The following LRP1B variants were observed in gnomAD, a reference collection of about 807,000 sequenced individuals.
LRP1B encodes the protein low-density lipoprotein receptor-related protein 1B.
In LRP1B, 217 loss-of-function variants were observed where a neutral mutation model predicts 556.6. The ratio of observed to expected loss-of-function variants is 0.39; its 90% CI spans 0.35 to 0.44. LRP1B has a LOEUF of 0.44. Among genes scored for constraint, LRP1B ranks in the 20% least tolerant of loss-of-function variants. LRP1B has a pLI of 1.00. For synonymous variants in LRP1B, 2,047 were observed against 1,865.8 expected, an observed-to-expected ratio of 1.10 and a Z score of -2.50; for missense variants, 5,053 against 5,620.8, an observed-to-expected ratio of 0.90 and a Z score of 3.23.
Position 140,335,663 on chromosome 2 carries a change from G to T in LRP1B, c.12068C>A (p.Thr4023Lys), listed in dbSNP as rs1412359441. Reference protein sequence around the residue: ...LNGPNCTRLLTNMAGEPYAIA... With the variant: ...LNGPNCTRLLKNMAGEPYAIA... ...AGCATAGGGTTCTCCAGCCATATTTGTTAAGAGTCTGGTGCAGTTGGGGCC... is the reference window on the plus strand; with the variant it reads ...AGCATAGGGTTCTCCAGCCATATTTTTTAAGAGTCTGGTGCAGTTGGGGCC... Residue 4023 changes from threonine (T) to lysine (K), a missense_variant, in exon 78 of 91, where the codon ACA becomes AAA. This residue lies in a region of LRP1B where 599 missense variants were observed against 648.4 expected (regional missense o/e 0.92). Transcript: ENST00000389484. 6.2e-7 allele frequency: 1 copy of T among 1,612,612 alleles called. No individual in the cohort carries two copies. The highest frequency in any genetic ancestry group is 1.1e-5 in the South Asian group (1 of 91,058).
chr2:140,514,052 A>G (rs1689777000), intron 51 of LRP1B, among the ~76,000 whole-genome samples: 1 of 152,014 alleles, frequency 6.6e-6, no homozygotes, highest in East Asian at 1.9e-4. Context: ...AATATTTGTG[A>G]ATATTACAAA....
At chr2:141,444,893 T>C (rs915378464) in intron 3 of LRP1B, among the ~76,000 whole-genome samples, 1 of 152,170 alleles carries the variant, frequency 6.6e-6, no homozygotes, top group African/African-American at 2.4e-5. Context: ...CTTTTCTTTT[T>C]CTGTTGTGTC....
At chr2:141,858,610 TA>T (rs1179365384) in intron 1 of LRP1B, among the ~76,000 whole-genome samples, 7 of 152,048 alleles carry the variant, frequency 4.6e-5, no homozygotes, top group Non-Finnish European at 1.0e-4. Flanking sequence ...CTATTACTGT[TA>T]TTTTTTTAAT....
intron 3 of LRP1B, among the ~76,000 whole-genome samples, chr2:141,345,979 G>A (rs2105527213): frequency 6.6e-6 from 1 of 151,912 alleles, no homozygotes; most frequent in South Asian, 2.1e-4. Context: ...TTAGTTATAT[G>A]ATAGTTTTCA....
At chr2:141,408,530 G>A (rs1416683781) in intron 3 of LRP1B, among the ~76,000 whole-genome samples, 1 of 151,820 alleles carries the variant, frequency 6.6e-6, no homozygotes, top group East Asian at 1.9e-4. Flanking sequence ...ACATAAGTAA[G>A]GTCCTTATTT....
intron 2 of LRP1B, among the ~76,000 whole-genome samples, chr2:141,515,095 G>A (rs926875709): frequency 1.3e-5 from 2 of 152,106 alleles, no homozygotes; most frequent in African/African-American, 2.4e-5. Context: ...CTGAGGTCAG[G>A]AGTTTGAGAC....
At chr2:141,736,682 A>G (rs905044708) in intron 2 of LRP1B, among the ~76,000 whole-genome samples, 1 of 152,156 alleles carries the variant, frequency 6.6e-6, no homozygotes, top group African/African-American at 2.4e-5. Context: ...GCCAACAGCA[A>G]GTCACTACAG....
At chr2:141,542,374 G>A (rs1685292526) in intron 2 of LRP1B, among the ~76,000 whole-genome samples, 1 of 151,654 alleles carries the variant, frequency 6.6e-6, no homozygotes, top group East Asian at 1.9e-4. Flanking sequence ...ATTCACATTT[G>A]GAAAGAATAT....
At chr2:140,398,104 T>C (rs114929963) in intron 66 of LRP1B, among the ~76,000 whole-genome samples, 123 of 152,320 alleles carry the variant, frequency 8.1e-4, no homozygotes, top group African/African-American at 2.6e-3. Context: ...GGAAGAACCA[T>C]ATTCTTTTCA....
At chr2:141,015,443 C>T (rs990520926) in intron 13 of LRP1B, among the ~76,000 whole-genome samples, 1 of 151,978 alleles carries the variant, frequency 6.6e-6, no homozygotes, top group Non-Finnish European at 1.5e-5. Context: ...TTTAAAACAG[C>T]TCTGATATCC....
chr2:140,314,873 T>G, intron 83 of LRP1B, 62 bp downstream of exon 83: 2 of 1,251,932 alleles, frequency 1.6e-6, no homozygotes. Flanking sequence ...ATTAAGCATT[T>G]TCGATTCATA....
At chr2:140,405,937 C>T (rs530249767) in intron 66 of LRP1B, among the ~76,000 whole-genome samples, 32 of 151,964 alleles carry the variant, frequency 2.1e-4, no homozygotes, top group Non-Finnish European at 3.8e-4. Context: ...AAGCAAAAAT[C>T]CCCAACAAAA....
At chr2:141,848,558 A>G (rs533760196) in intron 1 of LRP1B, among the ~76,000 whole-genome samples, 5 of 151,712 alleles carry the variant, frequency 3.3e-5, no homozygotes, top group South Asian at 4.1e-4. Flanking sequence ...AAAACTATAC[A>G]TCTTAAAAAT....
intron 47 of LRP1B, among the ~76,000 whole-genome samples, chr2:140,526,704 A>AAC (rs1186798460): frequency 6.6e-6 from 1 of 151,188 alleles, no homozygotes; most frequent in Non-Finnish European, 1.5e-5. Flanking sequence ...GAGCCAAAAA[A>AAC]AAAAAAAAAA....
At chr2:142,036,541 A>G (rs1248185397) in intron 1 of LRP1B, among the ~76,000 whole-genome samples, 2 of 151,708 alleles carry the variant, frequency 1.3e-5, no homozygotes. Context: ...AAATACTTGT[A>G]TATTCTTAAA....
At chr2:141,635,327 G>T (rs147871501) in intron 2 of LRP1B, among the ~76,000 whole-genome samples, 70 of 152,040 alleles carry the variant, frequency 4.6e-4, no homozygotes, top group Middle Eastern at 3.4e-3. Flanking sequence ...GGAACACAAC[G>T]GGTGTTACCT....
intron 41 of LRP1B, among the ~76,000 whole-genome samples, chr2:140,656,274 AT>A (rs1397837087): frequency 6.6e-6 from 1 of 152,146 alleles, no homozygotes; most frequent in East Asian, 1.9e-4. Flanking sequence ...GAAACTGGAC[AT>A]TTTTTGTCTT....
rs561082106 is a variant in LRP1B, at chr2:140,493,696, A to G, written c.9035-1003T>C. ...TCACATAATTGAATGTGGATTTTTT[A>G]TAAATTATTTATTGTTATACCGTTA... On this transcript the variant is annotated intron_variant, in intron 56 of 90. Coordinates refer to ENST00000389484, the MANE Select transcript of LRP1B (RefSeq NM_018557.3). Among the ~76,000 whole-genome samples, 8 of 152,190 alleles carry G rather than the reference A, an allele frequency of 5.3e-5. No individual in the cohort carries two copies. In the South Asian group the frequency reaches 1.4e-3, roughly 28 times the overall value.
At chr2:141,510,092 C>T (rs1684067798) in intron 2 of LRP1B, among the ~76,000 whole-genome samples, 1 of 151,804 alleles carries the variant, frequency 6.6e-6, no homozygotes, top group African/African-American at 2.4e-5. Context: ...TTTCTATTAA[C>T]TTCTTAATCT....
Sources: gnomAD v4.1 joint callset for allele counts (sites outside exome capture counted in the v4.1 genomes callset) on GRCh38, gnomAD v4.1.1 for gene constraint, gnomAD v4.1.1 regional missense constraint, MANE v1.5 for transcripts, NCBI Gene and HGNC (gene_info 2026-07-23, HGNC 2026-07-21) for gene names.